The following MICOS10 variants were observed in gnomAD, a reference collection of about 807,000 sequenced individuals.
MICOS10 encodes mitochondrial contact site and cristae organizing system subunit 10.
In MICOS10, 5 loss-of-function variants were observed where a neutral mutation model predicts 13.4. That is an observed-to-expected ratio of 0.37 (90% CI 0.20 to 0.78). The LOEUF is 0.78. Ranked by LOEUF, MICOS10 falls within the 30% of genes least tolerant of loss-of-function variation. MICOS10 has a pLI of 0.47. For missense variants in MICOS10, 101 were observed against 94.6 expected, an observed-to-expected ratio of 1.07 and a Z score of -0.28; for synonymous variants, 35 against 33.6, an observed-to-expected ratio of 1.04 and a Z score of -0.15.
At chr1:19,614,923 C>T (rs1457830371) in intron 1 of MICOS10, among the ~76,000 whole-genome samples, 1 of 152,200 alleles carries the variant, frequency 6.6e-6, no homozygotes, top group Non-Finnish European at 1.5e-5. Context: ...CACAGCCCTG[C>T]TTTTCTGCCA....
intron 1 of MICOS10, among the ~76,000 whole-genome samples, chr1:19,604,206 C>T (rs1054512365): frequency 1.3e-5 from 2 of 152,112 alleles, no homozygotes; most frequent in African/African-American, 2.4e-5. Flanking sequence ...CCTGTACTTA[C>T]TAAATATTAT....
chr1:19,625,529 T>A, intron 3 of MICOS10: 5 of 1,289,446 alleles, frequency 3.9e-6, no homozygotes, highest in South Asian at 3.7e-5. Flanking sequence ...TGTGTGGCAC[T>A]GAAGCCGGCA....
At chr1:19,605,520 T>C (rs555110310) in intron 1 of MICOS10, among the ~76,000 whole-genome samples, 1 of 152,318 alleles carries the variant, frequency 6.6e-6, no homozygotes, top group Admixed American at 6.5e-5. Context: ...ATGTAGTCTT[T>C]TGTATCGGCT....
At chr1:19,608,270 A>G (rs980794954) in intron 1 of MICOS10, 10 of 1,364,264 alleles carry the variant, frequency 7.3e-6, no homozygotes, top group African/African-American at 2.8e-5. Flanking sequence ...CAAACAAACC[A>G]TCTGCCGTGT....
chr1:19,614,541 T>G (rs1051886974), intron 1 of MICOS10: 5 of 151,996 alleles, frequency 3.3e-5, no homozygotes, highest in Non-Finnish European at 5.9e-5. Flanking sequence ...ATGGTCTCGA[T>G]CTCCTGACCT....
At chr1:19,606,682 G>T (rs2094835888) in intron 1 of MICOS10, among the ~76,000 whole-genome samples, 1 of 151,946 alleles carries the variant, frequency 6.6e-6, no homozygotes, top group African/African-American at 2.4e-5. Context: ...GGAAGGTGAG[G>T]TTGCAGTGAG....
rs149838191 is a variant in MICOS10 at position 19,608,404 on chromosome 1, C to G, written c.64+11295C>G. 9.2e-4 allele frequency: 1,169 copies of G among 1,268,700 alleles called. 10 individuals are homozygous for G. In the African/African-American group the frequency reaches 0.012, roughly 13 times the overall value. The allele number at this position is 1,268,700 out of a possible 1,614,324, so 78.6% of individuals were successfully genotyped here. On this transcript the variant is annotated intron_variant, in intron 1 of 3. Transcript: ENST00000322753. The stretch of plus-strand genomic sequence containing the variant: ...GTATCATTGCCCTACACATCCAACT[C>G]CGGGCCACAGGAGGAAATAGGACCA...
intron 1 of MICOS10, among the ~76,000 whole-genome samples, chr1:19,606,789 C>T (rs1368470200): frequency 1.3e-5 from 2 of 151,894 alleles, no homozygotes; most frequent in Non-Finnish European, 2.9e-5. Context: ...CAGTAAAAGA[C>T]TTAGAAGCTG....
intron 1 of MICOS10, among the ~76,000 whole-genome samples, chr1:19,609,171 A>G (rs1018907823): frequency 5.9e-5 from 9 of 152,004 alleles, no homozygotes; most frequent in Admixed American, 4.6e-4. Context: ...TAATTAAAAA[A>G]AAATTTTTTT....
intron 1 of MICOS10, among the ~76,000 whole-genome samples, chr1:19,611,416 C>T (rs867918979): frequency 2.0e-5 from 3 of 150,868 alleles, no homozygotes; most frequent in African/African-American, 7.4e-5. Flanking sequence ...TCTATGTATT[C>T]CCAGAAAAGA....
intron 1 of MICOS10, among the ~76,000 whole-genome samples, chr1:19,618,974 C>T (rs2100315078): frequency 6.6e-6 from 1 of 152,240 alleles, no homozygotes; most frequent in Middle Eastern, 3.4e-3. Flanking sequence ...ACAACTATAC[C>T]TTAGGCTTAT....
At chr1:19,611,942 A>T (rs2094863911) in intron 1 of MICOS10, among the ~76,000 whole-genome samples, 1 of 140,090 alleles carries the variant, frequency 7.1e-6, no homozygotes, top group East Asian at 2.1e-4. Flanking sequence ...AGTGTATTGT[A>T]GTCTGGTGAC....
At chr1:19,598,921 A>AT (rs1048987388) in intron 1 of MICOS10, among the ~76,000 whole-genome samples, 4 of 151,706 alleles carry the variant, frequency 2.6e-5, no homozygotes, top group Non-Finnish European at 5.9e-5. Flanking sequence ...TAATTAACTT[A>AT]TTTTTTTTAT....
chr1:19,623,368 C>T, intron 2 of MICOS10, 106 bp from the exon 3 acceptor site: 1 of 692,534 alleles, frequency 1.4e-6, no homozygotes, highest in Non-Finnish European at 2.6e-6. Context: ...TAGTATGATG[C>T]ACGTTGAATA....
intron 1 of MICOS10, chr1:19,608,515 C>A: frequency 9.2e-7 from 1 of 1,091,356 alleles, no homozygotes; most frequent in Non-Finnish European, 1.4e-6. Context: ...ACGTCACCCC[C>A]ATCCCCTCTG....
chr1:19,614,680 T>A (rs2094877119), intron 1 of MICOS10: 1 of 152,256 alleles, frequency 6.6e-6, no homozygotes, highest in Non-Finnish European at 1.5e-5. Flanking sequence ...GCTCTTCCTT[T>A]CCAAGCAATC....
rs3950168 is a variant in MICOS10 at position 19,627,175 on chromosome 1, C to G, written c.*774C>G. 6.6e-6 allele frequency: 1 copy of G among 152,228 alleles called. No individual in the cohort carries two copies. The highest frequency in any genetic ancestry group is 2.4e-5 in the African/African-American group (1 of 41,450). The allele number at this position is 152,228 out of a possible 1,614,324, so 9.4% of individuals were successfully genotyped here. On this transcript the variant is annotated 3_prime_UTR_variant, in exon 4 of 4. Coordinates refer to ENST00000322753, the MANE Select transcript of MICOS10 (RefSeq NM_001032363.4). ...AAGTTTGAGGACAAAAGGGCCACTT[C>G]TGATGCCCCTCTGAGTTTGTTCCTG...
intron 1 of MICOS10, among the ~76,000 whole-genome samples, chr1:19,615,589 C>G (rs74551669): frequency 6.6e-6 from 1 of 151,840 alleles, no homozygotes; most frequent in Non-Finnish European, 1.5e-5. Context: ...TTTTTTCCCC[C>G]CAAGACAGAG....
chr1:19,597,176 A>AGGAG (rs1378060044), intron 1 of MICOS10, 67 bp downstream of exon 1: 2 of 1,515,686 alleles, frequency 1.3e-6, no homozygotes, highest in Admixed American at 2.0e-5. Flanking sequence ...TGCGCTGCCC[A>AGGAG]GGAGGAAGGA....
Sources: allele counts gnomAD v4.1 joint callset (sites outside exome capture counted in the v4.1 genomes callset), GRCh38; gene constraint gnomAD v4.1.1; transcripts MANE v1.5; gene names NCBI Gene and HGNC (gene_info 2026-07-23, HGNC 2026-07-21).